The following VIPR1 variants were observed in gnomAD, a reference collection of about 807,000 sequenced individuals.
VIPR1 encodes vasoactive intestinal polypeptide receptor 1.
VIPR1 carries 59 observed loss-of-function variants against 58.8 expected under a neutral mutation model. The ratio of observed to expected loss-of-function variants is 1.00; its 90% CI spans 0.81 to 1.25. The LOEUF is 1.25. VIPR1 is among the 50% of genes most tolerant of loss of function. The probability of loss-of-function intolerance (pLI) is 0.00; values close to 1 mark genes in which losing one functional copy is unlikely to be tolerated. For synonymous variants in VIPR1, 251 were observed against 242.1 expected (o/e 1.04, Z -0.34); for missense variants, 626 against 602.7 (o/e 1.04, Z -0.40).
intron 3 of VIPR1, among the ~76,000 whole-genome samples, chr3:42,525,042 C>CGGT (rs149925451): frequency 6.6e-6 from 1 of 152,030 alleles, no homozygotes. Flanking sequence ...GTGACTATGG[C>CGGT]GGTGGTGGTG....
In VIPR1 at chr3:42,513,880, G is replaced by A. The variant is rs766793624; in HGVS notation, c.184+26G>A. 3 of 1,548,794 alleles carry A rather than the reference G, an allele frequency of 1.9e-6. No individual in the cohort carries two copies. In the South Asian group the frequency reaches 3.6e-5, roughly 18 times the overall value. On this transcript the variant is annotated intron_variant, in intron 2 of 12. Transcript: ENST00000325123. Reference sequence around the variant, plus strand: ...GTGAGGCCCCCATGGGCAGAGAGGGGCTGCATGCCCCCAGGGAGCCCAAGA... The same window carrying A: ...GTGAGGCCCCCATGGGCAGAGAGGGACTGCATGCCCCCAGGGAGCCCAAGA...
At chr3:42,499,527 A>G (rs1032609777), upstream of VIPR1, among the ~76,000 whole-genome samples, 3 of 152,176 alleles carry the variant, frequency 2.0e-5, no homozygotes, top group Admixed American at 2.0e-4. Context: ...AGATGGTGCT[A>G]GAGACTAGGG....
intron 1 of VIPR1, among the ~76,000 whole-genome samples, chr3:42,491,571 T>C (rs1340498712): frequency 3.8e-5 from 4 of 106,624 alleles, no homozygotes; most frequent in African/African-American, 1.1e-4. Context: ...TTTTTGTTTG[T>C]TTGTTTGTTT....
intron 3 of VIPR1, among the ~76,000 whole-genome samples, chr3:42,521,949 T>C (rs1301889110): frequency 6.6e-6 from 1 of 150,702 alleles, no homozygotes; most frequent in Non-Finnish European, 1.5e-5. Flanking sequence ...GGTTTCACTG[T>C]ATTGGCCAGG....
chr3:42,503,067 A>C (rs1699943119), intron 1 of VIPR1, among the ~76,000 whole-genome samples: 1 of 152,008 alleles, frequency 6.6e-6, no homozygotes, highest in Non-Finnish European at 1.5e-5. Context: ...GGCAGCGGGG[A>C]AGAGTGGGCC....
chr3:42,510,634 C>A (rs927776111), intron 1 of VIPR1, among the ~76,000 whole-genome samples: 2 of 152,112 alleles, frequency 1.3e-5, no homozygotes, highest in African/African-American at 4.8e-5. Flanking sequence ...TCTGGGAATG[C>A]GCATTTGCTG....
chr3:42,534,884 T>G, intron 10 of VIPR1, 91 bp from the exon 11 acceptor site: 1 of 1,519,678 alleles, frequency 6.6e-7, no homozygotes, highest in Non-Finnish European at 8.9e-7. Flanking sequence ...TGTCCCCATC[T>G]TCTGTGCCTC....
rs756087737 is a variant in VIPR1 at position 42,535,062 on chromosome 3, T to G, written c.1098T>G (p.Pro366=). Residue 366 remains proline, a synonymous_variant, in exon 11 of 13, where the codon CCT becomes CCG. Transcript: ENST00000325123. ...CCTTCTTTCCGGACAATTTTAAGCC[T>G]GAAGTGAAGATGGTCTTTGAGCTCG... ...MFAFFPDNFK[P]EVKMVFELVV... 6 of 1,614,242 alleles carry G rather than the reference T, an allele frequency of 3.7e-6. No individual in the cohort carries two copies. The highest frequency in any genetic ancestry group is 5.1e-6 in the Non-Finnish European group (6 of 1,180,040).
chr3:42,532,636 G>A lies in VIPR1; in HGVS notation c.1010+303G>A, dbSNP rs147453264. On this transcript the variant is annotated intron_variant, in intron 10 of 12. Transcript: ENST00000325123. ...AGAGGACACCGATGACCTGTGTCTTGTTCATACCATGTGCCCAGTCCCTGG... is the reference window on the plus strand; with the variant it reads ...AGAGGACACCGATGACCTGTGTCTTATTCATACCATGTGCCCAGTCCCTGG... 1,408 of 494,450 alleles carry A rather than the reference G, an allele frequency of 2.8e-3. 15 individuals carry two copies. Among genetic ancestry groups the A allele is most frequent in the African/African-American group, 0.025 (1,283 of 51,868 alleles). 30.6% of individuals were successfully genotyped at this position (494,450 alleles called of 1,614,324 possible).
intron 1 of VIPR1, among the ~76,000 whole-genome samples, chr3:42,490,125 C>T (rs1462630190): frequency 6.6e-6 from 1 of 152,136 alleles, no homozygotes; most frequent in African/African-American, 2.4e-5. Context: ...GGCAGGAGTT[C>T]AGCTTCCTCC....
At position 42,513,487 on chromosome 3, in the gene VIPR1, A is replaced by C. The variant is rs1700461463; in HGVS notation, c.79-262A>C. ...CGCCATCTGGAGTTGTGCCACCCGC[A>C]AAGAGACAAAGCAGTTACAGCTGCA... On this transcript the variant is annotated intron_variant, in intron 1 of 12. Coordinates refer to ENST00000325123, the MANE Select transcript of VIPR1 (RefSeq NM_004624.4). The C allele has an allele frequency of 1.4e-5, 6 of 419,136 alleles. No individual in the cohort carries two copies. In the South Asian group the frequency reaches 2.0e-4, roughly 14 times the overall value. 26.0% of individuals were successfully genotyped at this position (419,136 alleles called of 1,614,324 possible).
rs1053902175 is a variant in VIPR1 at position 42,525,950 on chromosome 3, C to T, written c.356C>T (p.Pro119Leu). The T allele has an allele frequency of 1.9e-6, 3 of 1,613,562 alleles. No homozygotes were observed. The highest frequency in any genetic ancestry group is 4.5e-5 in the East Asian group (2 of 44,878). The change falls in exon 4 of 13, where the codon CCC becomes CTC. Residue 119 changes from proline to leucine, a missense_variant. By Grantham distance (98) the Pro-to-Leu change is moderately conservative. Coordinates refer to ENST00000325123, the MANE Select transcript of VIPR1 (RefSeq NM_004624.4). ...GWTHLEPGPY[P>L]IACGLDDKAA... The stretch of plus-strand genomic sequence containing the variant: ...ACGCACCTGGAGCCTGGCCCGTACC[C>T]CATTGCCTGTGGTTTGGATGACAAG...
chr3:42,495,526 G>T (rs2125624334), intron 1 of VIPR1, among the ~76,000 whole-genome samples: 1 of 152,256 alleles, frequency 6.6e-6, no homozygotes, highest in East Asian at 1.9e-4. Context: ...CAAGATTCCT[G>T]CCTCCTGGTG....
At chr3:42,519,360 G>T in intron 3 of VIPR1, 30 bp downstream of exon 3, 1 of 1,563,096 alleles carries the variant, frequency 6.4e-7, no homozygotes. Flanking sequence ...GAGGTGATGT[G>T]AGTGGGGCCG....
upstream of VIPR1, among the ~76,000 whole-genome samples, chr3:42,501,278 G>T (rs140221480): frequency 3.3e-5 from 5 of 151,810 alleles, no homozygotes; most frequent in Non-Finnish European, 7.4e-5. This position sits in a 1 kb window ranked among gnomAD's most constrained non-coding sequence, Gnocchi z 4.8. Flanking sequence ...GCATCCCAAC[G>T]TTCCCTCTCT....
At chr3:42,503,015 C>A (rs1417101786) in intron 1 of VIPR1, among the ~76,000 whole-genome samples, 1 of 152,220 alleles carries the variant, frequency 6.6e-6, no homozygotes, top group Non-Finnish European at 1.5e-5. Flanking sequence ...CGTGCCCAGT[C>A]CCTCCCAGCG....
upstream of VIPR1, among the ~76,000 whole-genome samples, chr3:42,498,281 G>C (rs560621708): frequency 2.6e-5 from 4 of 152,318 alleles, no homozygotes; most frequent in East Asian, 7.7e-4. Context: ...GCTCTTCCCA[G>C]ACAGCCCCAG....
intron 1 of VIPR1, among the ~76,000 whole-genome samples, chr3:42,495,456 G>A (rs1049534368): frequency 8.5e-5 from 13 of 152,120 alleles, no homozygotes; most frequent in African/African-American, 3.1e-4. Flanking sequence ...AAAATATTCA[G>A]TGCAGTTGAG....
At chr3:42,513,617 T>G in intron 1 of VIPR1, 132 bp from the exon 2 acceptor site, 3 of 924,446 alleles carry the variant, frequency 3.2e-6, no homozygotes, top group Non-Finnish European at 4.9e-6. Context: ...GTTTCAGTCT[T>G]GGGTTGGTAT....
Sources: gnomAD v4.1 joint callset for allele counts (sites outside exome capture counted in the v4.1 genomes callset) on GRCh38, gnomAD v4.1.1 for gene constraint, Gnocchi (gnomAD v3.1) non-coding constraint, MANE v1.5 for transcripts, NCBI Gene and HGNC (gene_info 2026-07-23, HGNC 2026-07-21) for gene names.